The following SDK1 variants were observed in gnomAD, a reference collection of about 807,000 sequenced individuals.
SDK1 encodes the protein sidekick cell adhesion molecule 1.
SDK1 carries 157 observed loss-of-function variants against 245.5 expected under a neutral mutation model. That is an observed-to-expected ratio of 0.64 (90% CI 0.56 to 0.73). The LOEUF (loss-of-function observed/expected upper bound fraction) is 0.73, where lower values mean the gene tolerates loss of function less well. Among genes scored for constraint, SDK1 ranks in the 30% least tolerant of loss-of-function variants. The pLI is 0.00. For synonymous variants in SDK1, 1,647 were observed against 1,278.5 expected, an observed-to-expected ratio of 1.29 and a Z score of -6.15; for missense variants, 3,583 against 3,002.3, an observed-to-expected ratio of 1.19 and a Z score of -4.52.
intron 1 of SDK1, among the ~76,000 whole-genome samples, chr7:3,563,527 A>G (rs2128626908): frequency 6.6e-6 from 1 of 152,332 alleles, no homozygotes; most frequent in East Asian, 1.9e-4. Context: ...ACCATAAAAA[A>G]TGGTAATCTG....
intron 1 of SDK1, among the ~76,000 whole-genome samples, chr7:3,491,015 A>ATGTGCCC (rs1781849103): frequency 6.6e-6 from 1 of 152,204 alleles, no homozygotes; most frequent in Non-Finnish European, 1.5e-5. Flanking sequence ...TGCCTGTGCC[A>ATGTGCCC]TGTGCCCTGT....
chr7:3,775,083 T>C (rs1432541792), intron 4 of SDK1, among the ~76,000 whole-genome samples: 3 of 152,204 alleles, frequency 2.0e-5, no homozygotes, highest in Admixed American at 2.0e-4. Context: ...CCCACTCCTG[T>C]TCCTGGAGAA....
rs568174123 is a variant in SDK1, at chr7:3,565,739, G to C, written c.299-53341G>C. The stretch of plus-strand genomic sequence containing the variant: ...TCCTGTGTACTTTAAATCACATCTA[G>C]GTAACTTATACAACTTGATATAATG... On this transcript the variant is annotated intron_variant, in intron 1 of 44. Coordinates refer to ENST00000404826, the MANE Select transcript of SDK1 (RefSeq NM_152744.4). 2.6e-5 allele frequency among the ~76,000 whole-genome samples: 4 copies of C among 152,248 alleles called. No individual in the cohort carries two copies. In the South Asian group the frequency reaches 6.2e-4, roughly 24 times the overall value.
intron 4 of SDK1, among the ~76,000 whole-genome samples, chr7:3,760,308 C>T (rs1004791658): frequency 1.3e-5 from 2 of 152,172 alleles, no homozygotes; most frequent in African/African-American, 4.8e-5. Flanking sequence ...AAGCTGGGTG[C>T]ACACAATTAC....
chr7:4,249,018 T>A (rs970016314), intron 44 of SDK1, among the ~76,000 whole-genome samples: 1 of 151,584 alleles, frequency 6.6e-6, no homozygotes, highest in African/African-American at 2.4e-5. Flanking sequence ...AATACACACA[T>A]GCACACATGC....
chr7:3,868,538 G>A (rs1780877574), intron 5 of SDK1, among the ~76,000 whole-genome samples: 1 of 152,144 alleles, frequency 6.6e-6, no homozygotes, highest in African/African-American at 2.4e-5. Flanking sequence ...AATAGATGGG[G>A]GGCCTTTACA....
At chr7:4,165,153 G>C (rs989317405) in intron 32 of SDK1, among the ~76,000 whole-genome samples, 1 of 152,102 alleles carries the variant, frequency 6.6e-6, no homozygotes, top group African/African-American at 2.4e-5. Context: ...GAGGTCAGGA[G>C]TTCAAGACCA....
chr7:4,246,319 C>G (rs1224948397), intron 44 of SDK1, among the ~76,000 whole-genome samples: 4 of 152,128 alleles, frequency 2.6e-5, no homozygotes, highest in Admixed American at 1.3e-4. Flanking sequence ...CCCGGGGTAA[C>G]TGGGCCTAGA....
intron 25 of SDK1, among the ~76,000 whole-genome samples, chr7:4,126,277 G>A (rs1228105018): frequency 1.3e-5 from 2 of 152,180 alleles, no homozygotes; most frequent in Non-Finnish European, 2.9e-5. Flanking sequence ...AATTAACAAA[G>A]CAAATGGAGA....
At chr7:3,462,336 C>A (rs552722867) in intron 1 of SDK1, among the ~76,000 whole-genome samples, 7 of 152,174 alleles carry the variant, frequency 4.6e-5, no homozygotes, top group Admixed American at 3.3e-4. Context: ...CTCTTCCCCC[C>A]TGCCCCGCCG....
At chr7:3,637,376 C>T (rs554925856) in intron 2 of SDK1, among the ~76,000 whole-genome samples, 8 of 152,296 alleles carry the variant, frequency 5.3e-5, no homozygotes, top group African/African-American at 1.9e-4. Context: ...GGATTACAGG[C>T]AAGAGCCACC....
At position 4,265,130 on chromosome 7, in the gene SDK1, G is replaced by A. The variant is rs370636786; in HGVS notation, c.6388G>A (p.Asp2130Asn). 2 of 1,611,406 alleles carry A rather than the reference G, an allele frequency of 1.2e-6. No individual in the cohort carries two copies. Among genetic ancestry groups the A allele is most frequent in the South Asian group, 2.2e-5 (2 of 90,966 alleles). The change falls in exon 45 of 45, where the codon GAC becomes AAC. Residue 2130 changes from aspartate (D) to asparagine (N), a missense_variant. By Grantham distance (23) the Asp-to-Asn change is conservative. Transcript: ENST00000404826. ...SADASESEATDSDYEDALPKH... is the reference protein window; with the variant it reads ...SADASESEATNSDYEDALPKH... ...TCTCTCCCGCTCCCCGCAGGCCACG[G>A]ACTCTGACTACGAGGACGCGCTGCC... is the stretch of plus-strand genomic sequence containing the variant.
At chr7:3,308,752 C>A (rs955182726) in intron 1 of SDK1, among the ~76,000 whole-genome samples, 3 of 152,048 alleles carry the variant, frequency 2.0e-5, no homozygotes, top group African/African-American at 7.2e-5. Context: ...AGTCTTTGTG[C>A]AGTGTTTGGT....
intron 4 of SDK1, among the ~76,000 whole-genome samples, chr7:3,808,737 A>G (rs1269891888): frequency 1.8e-4 from 28 of 152,180 alleles, no homozygotes; most frequent in Non-Finnish European, 1.5e-5. Context: ...TTTCCAGAAC[A>G]GTGTCCATCG....
intron 5 of SDK1, among the ~76,000 whole-genome samples, chr7:3,869,070 G>A (rs993882828): frequency 3.3e-5 from 5 of 151,934 alleles, no homozygotes; most frequent in African/African-American, 1.2e-4. Context: ...GGGCTGCAAA[G>A]CGTTGTCAAT....
chr7:3,759,699 C>A (rs1347290002), intron 4 of SDK1, among the ~76,000 whole-genome samples: 3 of 151,958 alleles, frequency 2.0e-5, no homozygotes, highest in African/African-American at 7.3e-5. Context: ...TCAGGCGATT[C>A]TTCTGCCTCA....
At chr7:3,646,492 T>G (rs184145916) in intron 4 of SDK1, among the ~76,000 whole-genome samples, 22 of 152,276 alleles carry the variant, frequency 1.4e-4, no homozygotes, top group Middle Eastern at 3.4e-3. Context: ...ATTAGCTCTA[T>G]GTATAGTTAT....
At chr7:3,386,284 G>T (rs767595421) in intron 1 of SDK1, among the ~76,000 whole-genome samples, 4 of 152,150 alleles carry the variant, frequency 2.6e-5, no homozygotes, top group Non-Finnish European at 5.9e-5. Flanking sequence ...TTTGGGTTTG[G>T]TGATACTTTT....
chr7:3,455,570 G>T (rs1237294073), intron 1 of SDK1, among the ~76,000 whole-genome samples: 1 of 151,886 alleles, frequency 6.6e-6, no homozygotes, highest in Non-Finnish European at 1.5e-5. Flanking sequence ...TTTTTCATCC[G>T]TGTAAAAAAT....
Sources: gnomAD v4.1 joint callset for allele counts (sites outside exome capture counted in the v4.1 genomes callset) on GRCh38, gnomAD v4.1.1 for gene constraint, MANE v1.5 for transcripts, NCBI Gene and HGNC (gene_info 2026-07-23, HGNC 2026-07-21) for gene names.